The following THSD4 variants were observed in gnomAD, a reference collection of about 807,000 sequenced individuals.
THSD4 encodes the protein thrombospondin type-1 domain-containing protein 4.
A neutral mutation model predicts 119.0 loss-of-function variants in THSD4; 69 were observed. That is an observed-to-expected ratio of 0.58 (90% confidence interval 0.48 to 0.71). The LOEUF (loss-of-function observed/expected upper bound fraction) is 0.71. Among genes scored for constraint, THSD4 ranks in the 30% least tolerant of loss-of-function variants. THSD4 has a pLI of 0.00. For missense variants in THSD4, 1,393 were observed against 1,391.1 expected (o/e 1.00, Z -0.02); for synonymous variants, 524 against 540.4 (o/e 0.97, Z 0.42).
intron 6 of THSD4, among the ~76,000 whole-genome samples, chr15:71,280,756 C>T (rs1235485611): frequency 6.6e-6 from 1 of 152,044 alleles, no homozygotes; most frequent in Non-Finnish European, 1.5e-5. Flanking sequence ...GGAGGTGTGT[C>T]TAAACCGAGC....
At chr15:71,174,681 G>C (rs890415977) in intron 3 of THSD4, among the ~76,000 whole-genome samples, 7 of 137,920 alleles carry the variant, frequency 5.1e-5, no homozygotes, top group African/African-American at 1.8e-4. Flanking sequence ...CACCTCTGGG[G>C]GCAGGGCACA....
At chr15:71,697,956 G>A (rs535507503) in intron 8 of THSD4, among the ~76,000 whole-genome samples, 3 of 151,684 alleles carry the variant, frequency 2.0e-5, no homozygotes, top group Non-Finnish European at 4.4e-5. Flanking sequence ...GATGAAATAT[G>A]GCACAGAACC....
At chr15:71,155,083 T>C (rs2040763407) in intron 3 of THSD4, 151 bp downstream of exon 3, 1 of 720,874 alleles carries the variant, frequency 1.4e-6, no homozygotes, top group Non-Finnish European at 2.4e-6. Flanking sequence ...ACTATTCTGT[T>C]CTCACATTGC....
chr15:71,693,117 G>C (rs1055628618), intron 8 of THSD4, among the ~76,000 whole-genome samples: 1 of 152,130 alleles, frequency 6.6e-6, no homozygotes, highest in Admixed American at 6.5e-5. Context: ...TTCAGGATGT[G>C]GGGAGGGTGG....
intron 7 of THSD4, among the ~76,000 whole-genome samples, chr15:71,565,279 T>A (rs935495533): frequency 1.3e-5 from 2 of 152,084 alleles, no homozygotes; most frequent in Non-Finnish European, 2.9e-5. Context: ...GACCTCAGAG[T>A]GCTGTTTGCA....
intron 7 of THSD4, among the ~76,000 whole-genome samples, chr15:71,633,269 C>CTTTTTTTTTTTTT (rs67682951): frequency 1.6e-4 from 10 of 63,158 alleles, no homozygotes; most frequent in African/African-American, 3.4e-4. Context: ...TTCTTTCTTT[C>CTTTTTTTTTTTTT]TTTTTTTTTT....
At chr15:71,631,120 G>C (rs1388911177) in intron 7 of THSD4, among the ~76,000 whole-genome samples, 1 of 152,156 alleles carries the variant, frequency 6.6e-6, no homozygotes, top group African/African-American at 2.4e-5. Context: ...CCCTAGGTAA[G>C]AGGCACAGTC....
chr15:71,136,328 C>G (rs2040551866), intron 1 of THSD4, among the ~76,000 whole-genome samples: 1 of 152,006 alleles, frequency 6.6e-6, no homozygotes, highest in African/African-American at 2.4e-5. Context: ...AGGGGCACTG[C>G]GAACAGATGG....
intron 7 of THSD4, among the ~76,000 whole-genome samples, chr15:71,608,249 T>TATATATACACACAC (rs772729777): frequency 3.8e-5 from 4 of 106,254 alleles, no homozygotes; most frequent in South Asian, 3.7e-4. Flanking sequence ...TATATATATA[T>TATATATACACACAC]ACACACACAC....
intron 7 of THSD4, among the ~76,000 whole-genome samples, chr15:71,435,137 T>G (rs1053248933): frequency 1.3e-5 from 2 of 152,122 alleles, no homozygotes; most frequent in African/African-American, 4.8e-5. Flanking sequence ...AACAAGTAAT[T>G]AAAACAAATC....
chr15:71,455,835 A>T (rs2047331713), intron 7 of THSD4, among the ~76,000 whole-genome samples: 1 of 152,204 alleles, frequency 6.6e-6, no homozygotes, highest in Non-Finnish European at 1.5e-5. Flanking sequence ...CCTAGATTAA[A>T]GCAAGGAGTG....
intron 11 of THSD4, among the ~76,000 whole-genome samples, chr15:71,743,621 A>G (rs1256451141): frequency 1.3e-5 from 2 of 152,262 alleles, no homozygotes; most frequent in African/African-American, 4.8e-5. Flanking sequence ...TACTCAGCCA[A>G]TAATTGTGCT....
intron 6 of THSD4, among the ~76,000 whole-genome samples, chr15:71,331,527 G>A (rs1156229662): frequency 1.3e-5 from 2 of 152,194 alleles, no homozygotes; most frequent in Non-Finnish European, 2.9e-5. Flanking sequence ...GCACCATGGG[G>A]CGGGGTGAGC....
intron 3 of THSD4, among the ~76,000 whole-genome samples, chr15:71,192,489 G>C (rs2043680821): frequency 1.3e-5 from 2 of 151,934 alleles, no homozygotes; most frequent in South Asian, 4.1e-4. Context: ...CACCATGTTG[G>C]CCAGGCCAGT....
chr15:71,098,080 A>C (rs1438982653), intron 1 of THSD4, among the ~76,000 whole-genome samples: 2 of 152,068 alleles, frequency 1.3e-5, no homozygotes, highest in Non-Finnish European at 2.9e-5. Flanking sequence ...ATCTGTGAGC[A>C]CACTGTGTCC....
At chr15:71,436,535 C>G (rs1326514917) in intron 7 of THSD4, among the ~76,000 whole-genome samples, 1 of 152,182 alleles carries the variant, frequency 6.6e-6, no homozygotes, top group East Asian at 1.9e-4. Context: ...CATATCAGGT[C>G]TGGGGTTCCC....
In THSD4 at chr15:71,778,137, C is replaced by G. The variant is rs553833590; in HGVS notation, c.*763C>G. ...GCCCCAGTCATCTACCAGTATCCAG[C>G]CTGGGGCCTGTACTTAGATGTGAAA... On this transcript the variant is annotated 3_prime_UTR_variant, in exon 18 of 18. Coordinates refer to ENST00000261862, the MANE Select transcript of THSD4 (RefSeq NM_024817.3). 2.0e-5 allele frequency: 3 copies of G among 152,368 alleles called. No individual in the cohort carries two copies. Among genetic ancestry groups the G allele is most frequent in the Admixed American group, 1.3e-4 (2 of 15,306 alleles). The allele number at this position is 152,368 out of a possible 1,614,324, so 9.4% of individuals were successfully genotyped here.
intron 8 of THSD4, among the ~76,000 whole-genome samples, chr15:71,719,951 C>A (rs1476856941): frequency 6.6e-6 from 1 of 151,790 alleles, no homozygotes; most frequent in Non-Finnish European, 1.5e-5. Flanking sequence ...GCTGGGATTA[C>A]AGGCATGAGC....
intron 10 of THSD4, chr15:71,733,543 G>A (rs1351032486): frequency 6.6e-6 from 1 of 152,146 alleles, no homozygotes; most frequent in East Asian, 1.9e-4. Context: ...CAACATGCCT[G>A]GTCCTGATTT....
Sources: allele counts gnomAD v4.1 joint callset (sites outside exome capture counted in the v4.1 genomes callset), GRCh38; gene constraint gnomAD v4.1.1; transcripts MANE v1.5; gene names NCBI Gene and HGNC (gene_info 2026-07-23, HGNC 2026-07-21).